Variants in PRRC1 observed in about 807,000 individuals in gnomAD.
PRRC1 encodes proline rich coiled-coil 1.
A neutral mutation model predicts 40.7 loss-of-function variants in PRRC1; 39 were observed. That is an observed-to-expected ratio of 0.96 (90% CI 0.74 to 1.25). The LOEUF (loss-of-function observed/expected upper bound fraction) is 1.25, where lower values mean the gene tolerates loss of function less well. Among genes scored for constraint, PRRC1 ranks in the 50% most tolerant of loss-of-function variants. PRRC1 has a pLI of 0.00. For synonymous variants in PRRC1, 175 were observed against 193.3 expected, an observed-to-expected ratio of 0.91 and a Z score of 0.79; for missense variants, 573 against 548.3, an observed-to-expected ratio of 1.05 and a Z score of -0.45.
chr5:127,521,319 G>A (rs1057504918), intron 1 of PRRC1, among the ~76,000 whole-genome samples: 1 of 152,036 alleles, frequency 6.6e-6, no homozygotes, highest in Non-Finnish European at 1.5e-5. Flanking sequence ...AGTCATCCTG[G>A]ATCACCTGTT....
intron 1 of PRRC1, among the ~76,000 whole-genome samples, chr5:127,518,415 G>C (rs1426345348): frequency 6.6e-6 from 1 of 152,254 alleles, no homozygotes; most frequent in East Asian, 1.9e-4. Context: ...CAGATAGCAC[G>C]TTTCCTAGAT....
At chr5:127,519,518 C>T (rs1767403611) in intron 1 of PRRC1, among the ~76,000 whole-genome samples, 1 of 152,198 alleles carries the variant, frequency 6.6e-6, no homozygotes, top group Non-Finnish European at 1.5e-5. Context: ...TCCTATTTGG[C>T]TTCTCTGCAG....
At chr5:127,536,707 T>C (rs186923434) in intron 6 of PRRC1, among the ~76,000 whole-genome samples, 1 of 152,212 alleles carries the variant, frequency 6.6e-6, no homozygotes, top group East Asian at 1.9e-4. Flanking sequence ...GTTGCATTTA[T>C]CTTTTTATAA....
Position 127,542,186 on chromosome 5 carries a change from G to T in PRRC1, c.1025+3043G>T, listed in dbSNP as rs1239070469. 2.6e-5 allele frequency among the ~76,000 whole-genome samples: 4 copies of T among 152,296 alleles called. No individual in the cohort carries two copies. The East Asian group carries it at 7.7e-4, about 29-fold the overall frequency. The stretch of plus-strand genomic sequence containing the variant: ...AGTTTCCACGTAGTTGAGCAGTTTT[G>T]AGTGAGTTTCTTAATCCTGAGTTCT... On this transcript the variant is annotated intron_variant, in intron 7 of 8. Transcript: ENST00000296666.
Position 127,551,927 on chromosome 5 carries a change from A to G in PRRC1, c.*11A>G. The stretch of plus-strand genomic sequence containing the variant: ...CCCAGGACAGTGTGAGAGGAGACCT[A>G]CCTGGGAGACTGAGACTTTCCCCCA... On this transcript the variant is annotated 3_prime_UTR_variant, in exon 9 of 9. Transcript: ENST00000296666. The G allele has an allele frequency of 1.2e-6, 2 of 1,613,638 alleles. No homozygotes were observed. The highest frequency in any genetic ancestry group is 1.7e-6 in the Non-Finnish European group (2 of 1,179,696).
chr5:127,521,851 T>A (rs1767467565), intron 1 of PRRC1, among the ~76,000 whole-genome samples: 3 of 152,204 alleles, frequency 2.0e-5, no homozygotes, highest in South Asian at 4.1e-4. Flanking sequence ...TTCCCTTGCC[T>A]AATTAAGTTC....
Position 127,553,722 on chromosome 5 carries a change from TTA to T in PRRC1, c.*1807_*1808del. On this transcript the variant is annotated 3_prime_UTR_variant, in exon 9 of 9. Coordinates refer to ENST00000296666, the MANE Select transcript of PRRC1 (RefSeq NM_130809.5). ...CCTTAATTTTTCTTTGATTTTTATTTTACCAAGTCACAAATGTCTTTTTGATG... is the reference window on the plus strand; with the variant it reads ...CCTTAATTTTTCTTTGATTTTTATTTCCAAGTCACAAATGTCTTTTTGATG... The T allele has an allele frequency of 6.6e-7, 1 of 1,503,806 alleles. No individual in the cohort carries two copies. Among genetic ancestry groups the T allele is most frequent in the Non-Finnish European group, 8.8e-7 (1 of 1,135,818 alleles). 93.2% of individuals were successfully genotyped at this position (1,503,806 alleles called of 1,614,324 possible).
chr5:127,551,820 G>A lies in PRRC1; in HGVS notation c.1242G>A (p.Met414Ile). The A allele has an allele frequency of 6.8e-6, 11 of 1,614,086 alleles. No individual in the cohort carries two copies. The highest frequency in any genetic ancestry group is 9.3e-6 in the Non-Finnish European group (11 of 1,179,994). Residue 414 changes from methionine to isoleucine, a missense_variant, in exon 9 of 9, where the codon ATG becomes ATA. Met to Ile is a conservative substitution (Grantham distance 10). Coordinates refer to ENST00000296666, the MANE Select transcript of PRRC1 (RefSeq NM_130809.5). Reference sequence around the variant, plus strand: ...ATGTCAGCCGGACTGATTGGCACATGGCATTTACTGGGATGTCCCGTCGGC... The same window carrying A: ...ATGTCAGCCGGACTGATTGGCACATAGCATTTACTGGGATGTCCCGTCGGC... ...LLNVSRTDWHMAFTGMSRRQM... is the reference protein window; with the variant it reads ...LLNVSRTDWHIAFTGMSRRQM...
Position 127,525,005 on chromosome 5 carries a change from T to C in PRRC1, c.493+85T>C, listed in dbSNP as rs1767581294. 3.9e-6 allele frequency: 5 copies of C among 1,293,078 alleles called. No homozygotes were observed. In the South Asian group the frequency reaches 6.2e-5, roughly 16 times the overall value. 80.1% of individuals were successfully genotyped at this position (1,293,078 alleles called of 1,614,324 possible). A position where few individuals can be genotyped will look rare whatever the true frequency, so the allele number is the denominator to read the frequency against. On this transcript the variant is annotated intron_variant, in intron 3 of 8. Coordinates refer to ENST00000296666, the MANE Select transcript of PRRC1 (RefSeq NM_130809.5). ...AAATAATAGCTTTGTTGAGATATAA[T>C]TTATGTACTCTACAATTCACCCAAT... is the stretch of plus-strand genomic sequence containing the variant.
intron 7 of PRRC1, among the ~76,000 whole-genome samples, chr5:127,541,376 A>T (rs1768040803): frequency 6.6e-6 from 1 of 152,142 alleles, no homozygotes; most frequent in South Asian, 2.1e-4. Flanking sequence ...TATCAGGATG[A>T]TGCTGGCCTC....
chr5:127,553,685 A>AT lies in PRRC1; in HGVS notation c.*1771dup. ...CTCCTATTATAAGGAAATCTTACAG[A>AT]TTCTAAAAATACCTTAATTTTTCTT... On this transcript the variant is annotated 3_prime_UTR_variant, in exon 9 of 9. Coordinates refer to ENST00000296666, the MANE Select transcript of PRRC1 (RefSeq NM_130809.5). 6.7e-7 allele frequency: 1 copy of AT among 1,483,786 alleles called. No individual in the cohort carries two copies. The allele number at this position is 1,483,786 out of a possible 1,614,324, so 91.9% of individuals were successfully genotyped here.
At chr5:127,538,030 G>A (rs572773988) in intron 6 of PRRC1, among the ~76,000 whole-genome samples, 7 of 151,970 alleles carry the variant, frequency 4.6e-5, no homozygotes, top group African/African-American at 1.4e-4. Flanking sequence ...CACCTATTAA[G>A]TTAGGCACTG....
chr5:127,542,904 T>C (rs1462449391), intron 7 of PRRC1, among the ~76,000 whole-genome samples: 1 of 152,248 alleles, frequency 6.6e-6, no homozygotes, highest in African/African-American at 2.4e-5. Context: ...TGTGTGAATT[T>C]GATCCCATCA....
chr5:127,526,650 A>AC lies in PRRC1; in HGVS notation c.526_527insC (p.Ser176ThrfsTer25). 6.2e-7 allele frequency: 1 copy of AC among 1,613,220 alleles called. No individual in the cohort carries two copies. Among genetic ancestry groups the AC allele is most frequent in the Non-Finnish European group, 8.5e-7 (1 of 1,179,550 alleles). ...GCCAACTCCTATTACTCAGCAAGCC[A>AC]GTTTGACATCTCTGGCACAGGGAAC... On this transcript the variant is annotated frameshift_variant, in exon 4 of 9. Transcript: ENST00000296666. LOFTEE classifies it high-confidence loss of function.
Position 127,543,218 on chromosome 5 carries a change from T to C in PRRC1, c.1025+4075T>C, listed in dbSNP as rs1580947040. Among the ~76,000 whole-genome samples, 7 of 152,356 alleles carry C rather than the reference T, an allele frequency of 4.6e-5. No individual in the cohort carries two copies. In the South Asian group the frequency reaches 1.5e-3, roughly 32 times the overall value. On this transcript the variant is annotated intron_variant, in intron 7 of 8. Coordinates refer to ENST00000296666, the MANE Select transcript of PRRC1 (RefSeq NM_130809.5). ...TATTGGCCCCCACTCTCTTCTGGCT[T>C]GTAGAGTTTCTGCCGAGAGATCTGC...
rs754601616 is a variant in PRRC1, at chr5:127,547,803, C to T, written c.1026-16C>T. ...TTTGGCATATAAACCATTTGAAACT[C>T]GTAATTCTGTTGCAGATGGTTTGAC... On this transcript the variant is annotated splice_polypyrimidine_tract_variant and intron_variant, in intron 7 of 8. Coordinates refer to ENST00000296666, the MANE Select transcript of PRRC1 (RefSeq NM_130809.5). The T allele has an allele frequency of 8.9e-6, 14 of 1,580,822 alleles. No individual in the cohort carries two copies. The highest frequency in any genetic ancestry group is 5.1e-5 in the Admixed American group (3 of 59,116).
At chr5:127,545,440 TG>T (rs1041342393) in intron 7 of PRRC1, among the ~76,000 whole-genome samples, 10 of 152,070 alleles carry the variant, frequency 6.6e-5, no homozygotes, top group African/African-American at 2.4e-4. Context: ...ATATACACCA[TG>T]GAATACTATG....
At chr5:127,533,945 T>G in intron 6 of PRRC1, 159 bp downstream of exon 6, 1 of 751,786 alleles carries the variant, frequency 1.3e-6, no homozygotes, top group Non-Finnish European at 2.3e-6. Flanking sequence ...TATGAAGATA[T>G]AGTGGAGTTT....
chr5:127,523,568 C>T lies in PRRC1; in HGVS notation c.89C>T (p.Thr30Ile), dbSNP rs556416464. 3 of 1,607,760 alleles carry T rather than the reference C, an allele frequency of 1.9e-6. No individual in the cohort carries two copies. In the South Asian group the frequency reaches 3.3e-5, roughly 18 times the overall value. ...AGLAATAMSS[T>I]PVPLAATSSF... ...CTGGCTGCTACTGCTATGTCTTCTA[C>T]CCCTGTTCCATTAGGTACATGTAGT... is the stretch of plus-strand genomic sequence containing the variant. Residue 30 changes from threonine to isoleucine, a missense_variant, in exon 2 of 9, where the codon ACC becomes ATC. Transcript: ENST00000296666.
Sources: allele counts gnomAD v4.1 joint callset (sites outside exome capture counted in the v4.1 genomes callset), GRCh38; gene constraint gnomAD v4.1.1; transcripts MANE v1.5; gene names NCBI Gene and HGNC (gene_info 2026-07-23, HGNC 2026-07-21).